Variants in TMSB15A observed in about 807,000 individuals in gnomAD.
TMSB15A encodes thymosin beta 15A.
A neutral mutation model predicts 3.2 loss-of-function variants in TMSB15A; 1 was observed. That is an observed-to-expected ratio of 0.32 (90% CI 0.11 to 1.50). The LOEUF is 1.50. TMSB15A is among the 40% of genes most tolerant of loss of function. The pLI, the probability that TMSB15A is intolerant of heterozygous loss-of-function variation, is 0.39. For synonymous variants in TMSB15A, 10 were observed against 11.2 expected (o/e 0.90, Z 0.21); for missense variants, 22 against 27.8 (o/e 0.79, Z 0.47).
rs1934868124 is a variant in TMSB15A, at chrX:102,513,993, A to C, written c.*94T>G. ...GTGAGAAGATATCCGAAGACGCCTA[A>C]AATCTCTACAAACACATGGGTTTAC... On this transcript the variant is annotated 3_prime_UTR_variant, in exon 3 of 3. Coordinates refer to ENST00000289373, the MANE Select transcript of TMSB15A (RefSeq NM_021992.3). 9.6e-7 allele frequency: 1 copy of C among 1,046,957 alleles called. No homozygotes were observed. The highest frequency in any genetic ancestry group is 1.3e-6 in the Non-Finnish European group (1 of 748,759). 86.3% of individuals were successfully genotyped at this position (1,046,957 alleles called of 1,213,427 possible). A position where few individuals can be genotyped will look rare whatever the true frequency, so the allele number is the denominator to read the frequency against.
At chrX:102,514,201 C>G in intron 2 of TMSB15A, 77 bp from the exon 3 acceptor site, 3 of 1,126,533 alleles carry the variant, frequency 2.7e-6, no homozygotes, top group Non-Finnish European at 3.7e-6. Context: ...GAGCTCCTTG[C>G]TAAGTCATCG....
chrX:102,513,981 C>T lies in TMSB15A; in HGVS notation c.*106G>A, dbSNP rs1284628221. ...CAGGGAACATAGGTGAGAAGATATCCGAAGACGCCTAAAATCTCTACAAAC... is the reference window on the plus strand; with the variant it reads ...CAGGGAACATAGGTGAGAAGATATCTGAAGACGCCTAAAATCTCTACAAAC... On this transcript the variant is annotated 3_prime_UTR_variant, in exon 3 of 3. Transcript: ENST00000289373. 25 of 925,297 alleles carry T rather than the reference C, an allele frequency of 2.7e-5. No individual in the cohort carries two copies. Among genetic ancestry groups the T allele is most frequent in the Non-Finnish European group, 3.4e-5 (22 of 642,349 alleles). 76.3% of individuals were successfully genotyped at this position (925,297 alleles called of 1,213,427 possible).
At chrX:102,516,482 C>A (rs1556403778) in intron 1 of TMSB15A, among the ~76,000 whole-genome samples, 184 bp downstream of exon 1, 1 of 112,886 alleles carries the variant, frequency 8.9e-6, no homozygotes, top group East Asian at 2.8e-4. Flanking sequence ...GCATCGAGCG[C>A]AGAAGGCGGC....
In TMSB15A at chrX:102,515,205, A is replaced by G. The variant is rs781851080; in HGVS notation, c.-17-25T>C. On this transcript the variant is annotated intron_variant, in intron 1 of 2. Coordinates refer to ENST00000289373, the MANE Select transcript of TMSB15A (RefSeq NM_021992.3). ...CCTGAAAAGAATAAACATTTTTAAG[A>G]AAACTTACCTGGCAGAACTGTCTTC... The G allele has an allele frequency of 1.7e-5, 20 of 1,191,001 alleles. No homozygotes were observed. The South Asian group carries it at 3.7e-4, about 22-fold the overall frequency.
chrX:102,515,561 A>C (rs1808432054), intron 1 of TMSB15A, among the ~76,000 whole-genome samples: 2 of 111,395 alleles, frequency 1.8e-5, no homozygotes, highest in Non-Finnish European at 3.8e-5. Flanking sequence ...ATTTTGTAAC[A>C]GGAGATAGCA....
intron 2 of TMSB15A, among the ~76,000 whole-genome samples, chrX:102,514,363 G>C (rs1209111775): frequency 8.9e-6 from 1 of 112,058 alleles, no homozygotes; most frequent in Non-Finnish European, 1.9e-5. Flanking sequence ...AAGAGATAGA[G>C]ACATGCTGTT....
chrX:102,515,329 TTA>T, intron 1 of TMSB15A, 149 bp from the exon 2 acceptor site: 1 of 481,175 alleles, frequency 2.1e-6, no homozygotes, highest in Non-Finnish European at 3.4e-6. Flanking sequence ...CTTAGAAAAG[TTA>T]TATTTTTGTT....
At chrX:102,514,859 C>T (rs1294950532) in intron 2 of TMSB15A, among the ~76,000 whole-genome samples, 1 of 111,751 alleles carries the variant, frequency 8.9e-6, no homozygotes, top group Non-Finnish European at 1.9e-5. Flanking sequence ...TTTTCCCCCC[C>T]ATTCCTATTA....
intron 1 of TMSB15A, among the ~76,000 whole-genome samples, chrX:102,516,235 C>T (rs1318232658): frequency 8.9e-6 from 1 of 112,506 alleles, no homozygotes; most frequent in Non-Finnish European, 1.9e-5. Context: ...CTGTCAAGAG[C>T]AGTTTGCATA....
rs1556403196 is a variant in TMSB15A at position 102,513,877 on chromosome X, C to G, written c.*210G>C. The G allele has an allele frequency of 2.2e-6, 1 of 449,178 alleles. No homozygotes were observed. The highest frequency in any genetic ancestry group is 3.8e-5 in the Admixed American group (1 of 26,378). The allele number at this position is 449,178 out of a possible 1,213,427, so 37.0% of individuals were successfully genotyped here. A position where few individuals can be genotyped will look rare whatever the true frequency, so the allele number is the denominator to read the frequency against. ...TCAATGGTGAGATTATTGACAGCATCTGCCATCTGGAACATATGCACCAAT... is the reference window on the plus strand; with the variant it reads ...TCAATGGTGAGATTATTGACAGCATGTGCCATCTGGAACATATGCACCAAT... On this transcript the variant is annotated 3_prime_UTR_variant, in exon 3 of 3. Transcript: ENST00000289373.
At chrX:102,514,663 G>A (rs1043911585) in intron 2 of TMSB15A, among the ~76,000 whole-genome samples, 9 of 111,643 alleles carry the variant, frequency 8.1e-5, no homozygotes, top group Non-Finnish European at 1.9e-5. Context: ...TCATCAGGTA[G>A]AGAAGGCCAA....
rs1414778866 is a variant in TMSB15A, at chrX:102,514,053, T to C, written c.*34A>G. 2.5e-6 allele frequency: 3 copies of C among 1,205,394 alleles called. No homozygotes were observed. The highest frequency in any genetic ancestry group is 3.4e-6 in the Non-Finnish European group (3 of 889,930). On this transcript the variant is annotated 3_prime_UTR_variant, in exon 3 of 3. Coordinates refer to ENST00000289373, the MANE Select transcript of TMSB15A (RefSeq NM_021992.3). ...GCCTAAAATCAAGACTCTCAGGTAATGTCGAAATCTGCTGTTGGGAGGCGA... is the reference window on the plus strand; with the variant it reads ...GCCTAAAATCAAGACTCTCAGGTAACGTCGAAATCTGCTGTTGGGAGGCGA...
At position 102,515,647 on chromosome X, in the gene TMSB15A, C is replaced by CA. The variant is rs1224225791; in HGVS notation, c.-17-468dup. 9.5e-3 allele frequency among the ~76,000 whole-genome samples: 843 copies of CA among 88,799 alleles called. 7 individuals are homozygous for CA. The highest frequency in any genetic ancestry group is 0.027 in the African/African-American group (652 of 24,513). 77.1% of individuals were successfully genotyped at this position (88,799 alleles called of 115,157 possible). On this transcript the variant is annotated intron_variant, in intron 1 of 2. Transcript: ENST00000289373. ...TTTTTTTAGGAGACGGGGAGCAGCA[C>CA]AAAAAAAAAAAGAGTGGCATAAGTT... is the stretch of plus-strand genomic sequence containing the variant.
chrX:102,514,186 CA>C, intron 2 of TMSB15A, 62 bp from the exon 3 acceptor site: 1 of 1,158,653 alleles, frequency 8.6e-7, no homozygotes, highest in Non-Finnish European at 1.2e-6. Flanking sequence ...CAGTTTCTTT[CA>C]AAAGAGCTCC....
At chrX:102,515,267 A>C (rs1934882030) in intron 1 of TMSB15A, 87 bp from the exon 2 acceptor site, 1 of 736,225 alleles carries the variant, frequency 1.4e-6, no homozygotes, top group Admixed American at 3.3e-5. Context: ...TTCATATTTC[A>C]TATCAATGTA....
intron 2 of TMSB15A, among the ~76,000 whole-genome samples, chrX:102,514,683 G>A (rs1556403332): frequency 2.7e-5 from 3 of 111,696 alleles, no homozygotes; most frequent in Non-Finnish European, 1.9e-5. Context: ...AAACTGCAAA[G>A]TTTGCATGGA....
chrX:102,516,392 C>T (rs1305205432), intron 1 of TMSB15A, among the ~76,000 whole-genome samples: 3 of 113,186 alleles, frequency 2.7e-5, no homozygotes, highest in African/African-American at 9.6e-5. Flanking sequence ...CTACTGCGGA[C>T]AGGTCCCTTT....
chrX:102,515,826 G>A (rs942019236), intron 1 of TMSB15A, among the ~76,000 whole-genome samples: 23 of 111,567 alleles, frequency 2.1e-4, no homozygotes, highest in Admixed American at 9.5e-4. Flanking sequence ...AGCAGAATGG[G>A]ATAAACCAAA....
intron 1 of TMSB15A, among the ~76,000 whole-genome samples, chrX:102,515,946 CG>C (rs1934891304): frequency 9.0e-6 from 1 of 111,329 alleles, no homozygotes; most frequent in East Asian, 2.8e-4. Context: ...GCCCTGTAAG[CG>C]TCCCGAGTTT....
Sources: allele counts gnomAD v4.1 joint callset (sites outside exome capture counted in the v4.1 genomes callset), GRCh38; gene constraint gnomAD v4.1.1; transcripts MANE v1.5; gene names NCBI Gene and HGNC (gene_info 2026-07-23, HGNC 2026-07-21).